Variants in CPA6 observed in about 807,000 individuals in gnomAD.
The protein encoded by CPA6 is carboxypeptidase B.
A neutral mutation model predicts 63.3 loss-of-function variants in CPA6; 58 were observed. The observed-to-expected ratio is 0.92, with a 90% CI of 0.74 to 1.14. The LOEUF (loss-of-function observed/expected upper bound fraction) is 1.14. Among genes scored for constraint, CPA6 ranks in the 50% most tolerant of loss-of-function variants. CPA6 has a pLI of 0.00. For missense variants in CPA6, 565 were observed against 526.6 expected, an observed-to-expected ratio of 1.07 and a Z score of -0.71; for synonymous variants, 185 against 179.0, an observed-to-expected ratio of 1.03 and a Z score of -0.27.
chr8:67,603,640 T>G (rs1428080724), intron 2 of CPA6, among the ~76,000 whole-genome samples: 1 of 152,210 alleles, frequency 6.6e-6, no homozygotes, highest in Non-Finnish European at 1.5e-5. Context: ...TAAGTTTTCC[T>G]TTACAATCAC....
intron 1 of CPA6, 126 bp downstream of exon 1, chr8:67,745,888 G>A (rs1277376604): frequency 1.7e-6 from 1 of 575,972 alleles, no homozygotes; most frequent in Admixed American, 3.0e-5. Context: ...TTTATATAGA[G>A]GACCGTGAAA....
intron 1 of CPA6, among the ~76,000 whole-genome samples, chr8:67,636,353 T>C (rs1815468808): frequency 6.6e-6 from 1 of 151,550 alleles, no homozygotes; most frequent in African/African-American, 2.4e-5. Flanking sequence ...TCCTGTTGTA[T>C]AATACATTTT....
chr8:67,495,807 C>T (rs1392231955), intron 6 of CPA6, among the ~76,000 whole-genome samples: 1 of 152,136 alleles, frequency 6.6e-6, no homozygotes, highest in African/African-American at 2.4e-5. Flanking sequence ...TCCACCTTGG[C>T]CTCCCAAAAT....
chr8:67,558,618 C>A (rs1380978730), intron 2 of CPA6, among the ~76,000 whole-genome samples: 1 of 152,186 alleles, frequency 6.6e-6, no homozygotes, highest in Non-Finnish European at 1.5e-5. Context: ...TTGGATGAAC[C>A]ATTCATGCAT....
chr8:67,714,016 C>T (rs1328089180), intron 1 of CPA6, among the ~76,000 whole-genome samples: 1 of 152,106 alleles, frequency 6.6e-6, no homozygotes. Flanking sequence ...AAAATAATTG[C>T]CATGTTAAAA....
chr8:67,594,678 C>T (rs1814244843), intron 2 of CPA6, among the ~76,000 whole-genome samples: 1 of 152,164 alleles, frequency 6.6e-6, no homozygotes, highest in African/African-American at 2.4e-5. Flanking sequence ...GCATTGGCTC[C>T]TGAGGCTTCT....
rs1360141958 is a variant in CPA6 at position 67,656,979 on chromosome 8, C to CA, written c.117-32729dup. On this transcript the variant is annotated intron_variant, in intron 1 of 10. Coordinates refer to ENST00000297770, the MANE Select transcript of CPA6 (RefSeq NM_020361.5). ...TGCCATTTTCTCCAAACTGTAAAAT[C>CA]AAAAAATGAAGAATATGATCCTATG... 3.3e-5 allele frequency among the ~76,000 whole-genome samples: 5 copies of CA among 152,120 alleles called. No homozygotes were observed. In the East Asian group the frequency reaches 9.6e-4, roughly 29 times the overall value.
chr8:67,678,322 T>C (rs1332165307), intron 1 of CPA6, among the ~76,000 whole-genome samples: 6 of 151,692 alleles, frequency 4.0e-5, no homozygotes, highest in South Asian at 2.1e-4. Context: ...AAAGATGCTA[T>C]AGAGTGAGAG....
intron 1 of CPA6, among the ~76,000 whole-genome samples, chr8:67,737,770 C>T: frequency 6.6e-6 from 1 of 152,170 alleles, no homozygotes; most frequent in Non-Finnish European, 1.5e-5. Context: ...TTACTTCATC[C>T]CCAATGACTC....
In CPA6 at chr8:67,690,264, T is replaced by C. The variant is rs1354791621; in HGVS notation, c.116+55750A>G. Among the ~76,000 whole-genome samples the C allele has an allele frequency of 2.0e-5, 3 of 152,200 alleles. No homozygotes were observed. The East Asian group carries it at 5.8e-4, about 29-fold the overall frequency. On this transcript the variant is annotated intron_variant, in intron 1 of 10. Coordinates refer to ENST00000297770, the MANE Select transcript of CPA6 (RefSeq NM_020361.5). ...CTAAGTGGACTGGTCTGCATAGAATTCTCATTTTTTAGAATCAATTTTTGA... is the reference window on the plus strand; with the variant it reads ...CTAAGTGGACTGGTCTGCATAGAATCCTCATTTTTTAGAATCAATTTTTGA...
In CPA6 at chr8:67,613,572, CTCTT is replaced by C. The variant is rs543867072; in HGVS notation, c.192+10600_192+10603del. The stretch of plus-strand genomic sequence containing the variant: ...TTAGTACAAATGTGGAAATGATTGA[CTCTT>C]TCTGTGGTTCCCTACTTTACAGATC... On this transcript the variant is annotated intron_variant, in intron 2 of 10. Coordinates refer to ENST00000297770, the MANE Select transcript of CPA6 (RefSeq NM_020361.5). Among the ~76,000 whole-genome samples, 34 of 152,318 alleles carry C rather than the reference CTCTT, an allele frequency of 2.2e-4. No homozygotes were observed. In the East Asian group the frequency reaches 6.6e-3, roughly 29 times the overall value.
At chr8:67,703,097 G>A (rs1009335280) in intron 1 of CPA6, among the ~76,000 whole-genome samples, 1 of 152,176 alleles carries the variant, frequency 6.6e-6, no homozygotes, top group African/African-American at 2.4e-5. Context: ...GGTGCCATGT[G>A]ACTTGGATAT....
chr8:67,630,113 T>TAATAATAATA (rs1384985627), intron 1 of CPA6, among the ~76,000 whole-genome samples: 1 of 132,724 alleles, frequency 7.5e-6, no homozygotes, highest in Non-Finnish European at 1.6e-5. Context: ...TCAATTAAAA[T>TAATAATAATA]AATAATAATA....
intron 2 of CPA6, among the ~76,000 whole-genome samples, chr8:67,600,613 T>C (rs556773181): frequency 6.6e-6 from 1 of 152,172 alleles, no homozygotes; most frequent in East Asian, 1.9e-4. Flanking sequence ...GATCTCTGTA[T>C]AATTTTTTGT....
intron 2 of CPA6, among the ~76,000 whole-genome samples, chr8:67,610,069 C>A (rs931407186): frequency 6.7e-6 from 1 of 149,384 alleles, no homozygotes; most frequent in Admixed American, 6.7e-5. Context: ...CAAAAACCCC[C>A]CAAAAACCAA....
chr8:67,442,753 A>T (rs1192908147), intron 8 of CPA6, among the ~76,000 whole-genome samples: 1 of 152,178 alleles, frequency 6.6e-6, no homozygotes, highest in Non-Finnish European at 1.5e-5. Context: ...CTCTTGGTAC[A>T]GTGAGCATAG....
chr8:67,424,024 TA>T (rs1259058533), intron 10 of CPA6, among the ~76,000 whole-genome samples: 1 of 152,184 alleles, frequency 6.6e-6, no homozygotes, highest in Non-Finnish European at 1.5e-5. Flanking sequence ...GTGGCAGCAT[TA>T]GATTCTCATA....
intron 1 of CPA6, among the ~76,000 whole-genome samples, chr8:67,727,446 C>G (rs1272042253): frequency 2.0e-5 from 3 of 152,148 alleles, no homozygotes; most frequent in Non-Finnish European, 2.9e-5. Context: ...CCACTGCCCC[C>G]CTTAACCCCC....
Position 67,590,415 on chromosome 8 carries a change from T to C in CPA6, c.192+33761A>G, listed in dbSNP as rs1167765174. Among the ~76,000 whole-genome samples the C allele has an allele frequency of 4.0e-5, 6 of 151,422 alleles. 1 individual carries two copies. Among genetic ancestry groups the C allele is most frequent in the African/African-American group, 7.3e-5 (3 of 40,966 alleles). ...TTTGGGTATATACCCAGTAATGGGA[T>C]GGCTGGGTCAAACGGTATTTCTAGT... On this transcript the variant is annotated intron_variant, in intron 2 of 10. Transcript: ENST00000297770.
Sources: gnomAD v4.1 joint callset for allele counts (sites outside exome capture counted in the v4.1 genomes callset) on GRCh38, gnomAD v4.1.1 for gene constraint, MANE v1.5 for transcripts, NCBI Gene and HGNC (gene_info 2026-07-23, HGNC 2026-07-21) for gene names.